The following ZMYM2 variants were observed in gnomAD, a reference collection of about 807,000 sequenced individuals.
ZMYM2 encodes zinc finger MYM-type protein 2.
A neutral mutation model predicts 162.8 loss-of-function variants in ZMYM2; 56 were observed. That is an observed-to-expected ratio of 0.34 (90% CI 0.28 to 0.43). The LOEUF (loss-of-function observed/expected upper bound fraction) is 0.43. Ranked by LOEUF, ZMYM2 falls within the 20% of genes least tolerant of loss-of-function variation. The probability of loss-of-function intolerance (pLI) is 1.00; values close to 1 mark genes in which losing one functional copy is unlikely to be tolerated. For missense variants in ZMYM2, 1,275 were observed against 1,621.8 expected, an observed-to-expected ratio of 0.79 and a Z score of 3.67; for synonymous variants, 510 against 541.6, an observed-to-expected ratio of 0.94 and a Z score of 0.81.
chr13:20,062,751 A>T, intron 17 of ZMYM2, 95 bp from the exon 18 acceptor site: 1 of 1,246,778 alleles, frequency 8.0e-7, no homozygotes, highest in Non-Finnish European at 1.1e-6. Context: ...TTTATATTGC[A>T]TTTAAAATTA....
At chr13:19,975,550 A>T (rs1360660516) in intron 2 of ZMYM2, among the ~76,000 whole-genome samples, 4 of 152,220 alleles carry the variant, frequency 2.6e-5, no homozygotes, top group Non-Finnish European at 5.9e-5. Flanking sequence ...GTTTACCAAC[A>T]TTTTATTTAG....
chr13:19,920,739 TA>T, the ZMYM2 span, among the ~76,000 whole-genome samples: 1 of 7,462 alleles, frequency 1.3e-4, no homozygotes, highest in South Asian at 2.7e-3. Context: ...TTTATGTGTG[TA>T]TGTATGTATG....
At position 20,085,959 on chromosome 13, in the gene ZMYM2, T is replaced by C; in HGVS notation, c.4079T>C (p.Leu1360Pro). 1 of 1,613,754 alleles carries C rather than the reference T, an allele frequency of 6.2e-7. No individual in the cohort carries two copies. Among genetic ancestry groups the C allele is most frequent in the Non-Finnish European group, 8.5e-7 (1 of 1,179,740 alleles). ...TLENMLVRVL[L>P]VKDIYDKDNY... Reference sequence around the variant, plus strand: ...GAAAATATGCTTGTACGGGTTCTTCTAGTAAAAGATATTTATGATAAAGAC... The same window carrying C: ...GAAAATATGCTTGTACGGGTTCTTCCAGTAAAAGATATTTATGATAAAGAC... The change falls in exon 25 of 25, where the codon CTA becomes CCA. Residue 1360 changes from leucine to proline, a missense_variant. Coordinates refer to ENST00000610343, the MANE Select transcript of ZMYM2 (RefSeq NM_197968.4).
rs199677304 is a variant in ZMYM2, at chr13:20,061,169, A to G, written c.2856A>G (p.Thr952=). ...ATGCTCTTGATACAGAGTTGCTTAC[A>G]ATGACGGATATGATGAGTGAAGACG... ...SSDALDTELL[T]MTDMMSEDEG... is the part of the protein sequence containing the mutation. The change falls in exon 17 of 25, where the codon ACA becomes ACG. Residue 952 remains threonine, a synonymous_variant. Coordinates refer to ENST00000610343, the MANE Select transcript of ZMYM2 (RefSeq NM_197968.4). The G allele has an allele frequency of 2.3e-5, 37 of 1,613,838 alleles. No homozygotes were observed. Among genetic ancestry groups the G allele is most frequent in the Non-Finnish European group, 3.0e-5 (35 of 1,179,824 alleles).
the ZMYM2 span, among the ~76,000 whole-genome samples, chr13:19,896,032 C>CTTT: frequency 2.3e-5 from 1 of 44,214 alleles, no homozygotes. Context: ...ATTCTGATTC[C>CTTT]ATTTTTTTTT....
chr13:19,884,944 GCCCATTT>G, the ZMYM2 span, among the ~76,000 whole-genome samples: 3 of 152,128 alleles, frequency 2.0e-5, no homozygotes, highest in African/African-American at 7.2e-5. Flanking sequence ...GTGCTGATTG[GCCCATTT>G]TACAGAGTGC....
the ZMYM2 span, among the ~76,000 whole-genome samples, chr13:19,887,827 TGCTCGA>T: frequency 6.6e-6 from 1 of 151,908 alleles, no homozygotes; most frequent in Non-Finnish European, 1.5e-5. Flanking sequence ...CTTTATTTCT[TGCTCGA>T]ACTGCCTCAT....
chr13:20,010,561 A>G (rs978346238), intron 6 of ZMYM2, among the ~76,000 whole-genome samples: 4 of 152,114 alleles, frequency 2.6e-5, no homozygotes, highest in African/African-American at 9.7e-5. Flanking sequence ...AGAAGTATCT[A>G]TTCAAGTCCT....
chr13:20,044,975 G>T (rs1259291027), intron 12 of ZMYM2, among the ~76,000 whole-genome samples: 1 of 150,662 alleles, frequency 6.6e-6, no homozygotes, highest in East Asian at 2.0e-4. Flanking sequence ...ACTTGAACCC[G>T]GGAGGCGGAG....
At chr13:19,934,069 T>C in the ZMYM2 span, among the ~76,000 whole-genome samples, 1 of 152,354 alleles carries the variant, frequency 6.6e-6, no homozygotes, top group Middle Eastern at 3.4e-3. Context: ...TTTTCCCGCT[T>C]TCTATAGGAC....
chr13:19,965,017 C>T (rs1411837605), intron 2 of ZMYM2, among the ~76,000 whole-genome samples: 3 of 151,180 alleles, frequency 2.0e-5, no homozygotes, highest in Non-Finnish European at 4.4e-5. Context: ...AGCGCACCAG[C>T]ATGGCACATG....
intron 6 of ZMYM2, among the ~76,000 whole-genome samples, chr13:20,013,536 TA>T (rs1347437660): frequency 6.6e-6 from 1 of 152,228 alleles, no homozygotes; most frequent in Non-Finnish European, 1.5e-5. Flanking sequence ...ATAATTTTTT[TA>T]CCATTGAGTC....
At chr13:19,939,241 C>T in the ZMYM2 span, among the ~76,000 whole-genome samples, 1 of 151,872 alleles carries the variant, frequency 6.6e-6, no homozygotes, top group Non-Finnish European at 1.5e-5. Context: ...CCAGGCTGGT[C>T]TTGAACTCCT....
At chr13:19,972,909 A>G (rs978737292) in intron 2 of ZMYM2, among the ~76,000 whole-genome samples, 4 of 150,196 alleles carry the variant, frequency 2.7e-5, no homozygotes, top group African/African-American at 9.8e-5. Flanking sequence ...ATATATATAC[A>G]TATATAGATA....
chr13:19,983,019 A>G (rs1451527899), intron 2 of ZMYM2, among the ~76,000 whole-genome samples: 2 of 152,128 alleles, frequency 1.3e-5, no homozygotes, highest in Non-Finnish European at 2.9e-5. Context: ...CTACATATTA[A>G]TTTGTTATGT....
intron 12 of ZMYM2, among the ~76,000 whole-genome samples, chr13:20,044,663 A>G (rs1954594318): frequency 6.6e-6 from 1 of 152,228 alleles, no homozygotes. Context: ...GTGGGTAGTC[A>G]GAAAGATTAC....
At chr13:20,021,673 A>G (rs910558736) in intron 7 of ZMYM2, among the ~76,000 whole-genome samples, 1 of 152,160 alleles carries the variant, frequency 6.6e-6, no homozygotes, top group East Asian at 1.9e-4. Flanking sequence ...TTGAACAGGT[A>G]GCAATACAGA....
At chr13:20,082,238 T>G in intron 22 of ZMYM2, 108 bp downstream of exon 22, 1 of 828,380 alleles carries the variant, frequency 1.2e-6, no homozygotes, top group Non-Finnish European at 1.9e-6. Context: ...AGATAACATT[T>G]TCTGAACACT....
chr13:20,053,331 C>A (rs1260277437), intron 14 of ZMYM2, among the ~76,000 whole-genome samples: 1 of 152,224 alleles, frequency 6.6e-6, no homozygotes, highest in Non-Finnish European at 1.5e-5. Context: ...TCAAAACCTT[C>A]CAGTGCCTGG....
Sources: allele counts gnomAD v4.1 joint callset (sites outside exome capture counted in the v4.1 genomes callset), GRCh38; gene constraint gnomAD v4.1.1; transcripts MANE v1.5; gene names NCBI Gene and HGNC (gene_info 2026-07-23, HGNC 2026-07-21).